The following DOK6 variants were observed in gnomAD, a reference collection of about 807,000 sequenced individuals.
DOK6 encodes downstream of tyrosine kinase 6.
A neutral mutation model predicts 44.0 loss-of-function variants in DOK6; 22 were observed. The observed-to-expected ratio is 0.50, with a 90% CI of 0.36 to 0.71. DOK6 has a LOEUF of 0.71. DOK6 is among the 30% of genes least tolerant of loss of function. The pLI is 0.00. For synonymous variants in DOK6, 166 were observed against 145.5 expected (o/e 1.14, Z -1.01); for missense variants, 340 against 416.4 (o/e 0.82, Z 1.60).
At chr18:69,813,938 T>C (rs976707358) in intron 7 of DOK6, among the ~76,000 whole-genome samples, 6 of 152,108 alleles carry the variant, frequency 3.9e-5, no homozygotes, top group Non-Finnish European at 5.9e-5. Context: ...TAATTATATG[T>C]GAAAATATTA....
intron 5 of DOK6, among the ~76,000 whole-genome samples, chr18:69,703,642 C>T (rs777534984): frequency 6.6e-6 from 1 of 152,182 alleles, no homozygotes; most frequent in Non-Finnish European, 1.5e-5. Flanking sequence ...ACCAGGGCAC[C>T]TGGATTCAGA....
chr18:69,452,194 G>T (rs1444951415), intron 1 of DOK6, among the ~76,000 whole-genome samples: 1 of 150,126 alleles, frequency 6.7e-6, no homozygotes, highest in Non-Finnish European at 1.5e-5. Context: ...AAAGAGAGAA[G>T]AATCAAATAG....
At chr18:69,654,477 T>A (rs2144665825) in intron 3 of DOK6, among the ~76,000 whole-genome samples, 1 of 152,282 alleles carries the variant, frequency 6.6e-6, no homozygotes, top group Non-Finnish European at 1.5e-5. Flanking sequence ...GACTTGAATT[T>A]TTTGCATAAA....
chr18:69,648,504 A>G (rs1167694848), intron 3 of DOK6, among the ~76,000 whole-genome samples: 18 of 152,362 alleles, frequency 1.2e-4, no homozygotes, highest in Middle Eastern at 6.8e-3. Context: ...TCACCATCCT[A>G]TTAATGAGAG....
intron 5 of DOK6, among the ~76,000 whole-genome samples, chr18:69,718,563 T>C (rs1424232695): frequency 6.6e-6 from 1 of 152,224 alleles, no homozygotes; most frequent in Non-Finnish European, 1.5e-5. Context: ...AAATTGTTTC[T>C]CTACCATTAT....
In DOK6 at chr18:69,633,732, G is replaced by T. The variant is rs536956308; in HGVS notation, c.289+34234G>T. On this transcript the variant is annotated intron_variant, in intron 3 of 7. Transcript: ENST00000382713. ...GTCTAATTACTCAGTGATGGTCAGG[G>T]TGCCCTTTTCACTCTCAAATTCTGG... 3.9e-5 allele frequency among the ~76,000 whole-genome samples: 6 copies of T among 152,178 alleles called. No individual in the cohort carries two copies. In the South Asian group the frequency reaches 8.3e-4, roughly 21 times the overall value.
intron 3 of DOK6, among the ~76,000 whole-genome samples, chr18:69,615,798 T>C (rs2144634500): frequency 6.6e-6 from 1 of 152,290 alleles, no homozygotes; most frequent in East Asian, 1.9e-4. Flanking sequence ...TAAACTGCCC[T>C]GTAGTGACCA....
At chr18:69,688,741 C>A (rs146343044) in intron 4 of DOK6, among the ~76,000 whole-genome samples, 1 of 152,056 alleles carries the variant, frequency 6.6e-6, no homozygotes, top group East Asian at 1.9e-4. Flanking sequence ...AGGCTGGTCT[C>A]GAACTCTTGA....
At chr18:69,438,735 G>T (rs1979053438) in intron 1 of DOK6, among the ~76,000 whole-genome samples, 1 of 152,130 alleles carries the variant, frequency 6.6e-6, no homozygotes, top group Non-Finnish European at 1.5e-5. Flanking sequence ...ATGACTCCTT[G>T]ACTCATGGGT....
At chr18:69,785,383 T>C (rs1007521892) in intron 7 of DOK6, among the ~76,000 whole-genome samples, 13 of 152,194 alleles carry the variant, frequency 8.5e-5, no homozygotes, top group Admixed American at 4.6e-4. Context: ...CAGACATCTG[T>C]AATTATGTCC....
chr18:69,612,397 C>CGGCGCA, intron 3 of DOK6, among the ~76,000 whole-genome samples: 1 of 41,092 alleles, frequency 2.4e-5, no homozygotes, highest in Non-Finnish European at 4.8e-5. Context: ...CACGAAGAGA[C>CGGCGCA]TTTGTGTGCG....
At chr18:69,679,264 G>T (rs141274960) in intron 4 of DOK6, among the ~76,000 whole-genome samples, 3 of 152,280 alleles carry the variant, frequency 2.0e-5, no homozygotes, top group African/African-American at 4.8e-5. Context: ...AGCACATGAT[G>T]ATTATATTCT....
At position 69,779,692 on chromosome 18, in the gene DOK6, G is replaced by A. The variant is rs1196279396; in HGVS notation, c.856+21819G>A. Among the ~76,000 whole-genome samples the A allele has an allele frequency of 1.5e-4, 6 of 38,860 alleles. No homozygotes were observed. In the South Asian group the frequency reaches 5.8e-3, roughly 38 times the overall value. 25.5% of individuals were successfully genotyped at this position (38,860 alleles called of 152,430 possible). A position where few individuals can be genotyped will look rare whatever the true frequency, so the allele number is the denominator to read the frequency against. On this transcript the variant is annotated intron_variant, in intron 7 of 7. Transcript: ENST00000382713. Reference sequence around the variant, plus strand: ...AATAGGAGAGGTCTCTCTGCCCCGTGTGTGTGTGTGTGTGTGTGTGTGTGT... The same window carrying A: ...AATAGGAGAGGTCTCTCTGCCCCGTATGTGTGTGTGTGTGTGTGTGTGTGT...
chr18:69,749,549 A>G (rs1979100395), intron 6 of DOK6, among the ~76,000 whole-genome samples: 1 of 152,200 alleles, frequency 6.6e-6, no homozygotes, highest in Non-Finnish European at 1.5e-5. Context: ...GTCGATTGAT[A>G]TTAATCAATC....
intron 2 of DOK6, among the ~76,000 whole-genome samples, chr18:69,579,736 G>A (rs966537062): frequency 1.3e-5 from 2 of 151,868 alleles, no homozygotes; most frequent in African/African-American, 4.8e-5. Context: ...GCTAATTTTT[G>A]TATATTTTTG....
Position 69,401,134 on chromosome 18 carries a change from G to C in DOK6, c.-111G>C. 1 of 1,148,108 alleles carries C rather than the reference G, an allele frequency of 8.7e-7. No individual in the cohort carries two copies. The allele number at this position is 1,148,108 out of a possible 1,614,324, so 71.1% of individuals were successfully genotyped here. On this transcript the variant is annotated 5_prime_UTR_variant, in exon 1 of 8. Transcript: ENST00000382713. ...TCGGGGAAGAGCGGGCGGCGGCGCT[G>C]CTGCTGGCGGCGGCCGGCTGGATGC...
At chr18:69,657,744 A>G (rs534127636) in intron 3 of DOK6, among the ~76,000 whole-genome samples, 40 of 152,352 alleles carry the variant, frequency 2.6e-4, no homozygotes, top group African/African-American at 9.1e-4. Context: ...AGAAGGAAAT[A>G]GTAAATTCGT....
intron 3 of DOK6, among the ~76,000 whole-genome samples, chr18:69,621,151 G>A (rs1984430216): frequency 6.6e-6 from 1 of 152,114 alleles, no homozygotes; most frequent in Non-Finnish European, 1.5e-5. Context: ...TTTGTATAGT[G>A]AACTGGACAA....
intron 1 of DOK6, among the ~76,000 whole-genome samples, chr18:69,520,776 T>C (rs185625003): frequency 1.8e-4 from 27 of 152,012 alleles, no homozygotes; most frequent in Admixed American, 1.5e-3. Flanking sequence ...GCACTTCTGG[T>C]CCCAAGCATA....
Sources: allele counts gnomAD v4.1 joint callset (sites outside exome capture counted in the v4.1 genomes callset), GRCh38; gene constraint gnomAD v4.1.1; transcripts MANE v1.5; gene names NCBI Gene and HGNC (gene_info 2026-07-23, HGNC 2026-07-21).